DNAH8: variants seen among roughly 807,000 people sequenced by gnomAD.
The protein encoded by DNAH8 is axonemal beta dynein heavy chain 8.
In DNAH8, 382 loss-of-function variants were observed where a neutral mutation model predicts 562.1. The ratio of observed to expected loss-of-function variants is 0.68; its 90% CI spans 0.63 to 0.74. The LOEUF (loss-of-function observed/expected upper bound fraction) is 0.74, where lower values mean the gene tolerates loss of function less well. Ranked by LOEUF, DNAH8 falls within the 30% of genes least tolerant of loss-of-function variation. The pLI is 0.00. For missense variants in DNAH8, 5,203 were observed against 5,620.4 expected (o/e 0.93, Z 2.37); for synonymous variants, 1,881 against 1,919.4 (o/e 0.98, Z 0.52).
intron 74 of DNAH8, among the ~76,000 whole-genome samples, chr6:38,927,208 A>G (rs968460807): frequency 3.9e-5 from 6 of 152,248 alleles, no homozygotes; most frequent in African/African-American, 7.2e-5. Flanking sequence ...GTAAAATTCA[A>G]TGCTCATTCA....
chr6:39,018,085 C>T (rs539751943), intron 91 of DNAH8, among the ~76,000 whole-genome samples: 2 of 152,328 alleles, frequency 1.3e-5, no homozygotes, highest in East Asian at 1.9e-4. Context: ...TAAACTTCAA[C>T]GTGAGTGATA....
At chr6:38,950,310 A>T (rs1006680624) in intron 81 of DNAH8, among the ~76,000 whole-genome samples, 1 of 151,538 alleles carries the variant, frequency 6.6e-6, no homozygotes, top group African/African-American at 2.4e-5. Flanking sequence ...TTTTGAAGCA[A>T]TTTTTTCTTT....
In DNAH8 at chr6:38,737,969, A is replaced by G. The variant is rs1397661197; in HGVS notation, c.1113A>G (p.Glu371=). Residue 371 remains glutamate, a synonymous_variant, in exon 7 of 93, where the codon GAA becomes GAG. Transcript: ENST00000327475. The part of the protein sequence containing the change: ...EVLMVWYKQI[E]QVLIESEQMR... ...TGATGGTATGGTACAAACAGATCGAACAGGTGAATTGACTCAAACAATTGC... is the reference window on the plus strand; with the variant it reads ...TGATGGTATGGTACAAACAGATCGAGCAGGTGAATTGACTCAAACAATTGC... 1.2e-6 allele frequency: 2 copies of G among 1,610,186 alleles called. No homozygotes were observed. The highest frequency in any genetic ancestry group is 1.7e-6 in the Non-Finnish European group (2 of 1,178,212).
chr6:38,909,826 A>G (rs1780751171), intron 65 of DNAH8, 82 bp downstream of exon 65: 10 of 1,149,704 alleles, frequency 8.7e-6, no homozygotes, highest in Non-Finnish European at 1.3e-5. Flanking sequence ...ATCCAGCAGA[A>G]GACTCTTTCT....
At chr6:38,819,072 C>T (rs1772579082) in intron 26 of DNAH8, among the ~76,000 whole-genome samples, 1 of 152,150 alleles carries the variant, frequency 6.6e-6, no homozygotes, top group Non-Finnish European at 1.5e-5. Flanking sequence ...TGATCCTGCC[C>T]CATAGCTTCC....
chr6:38,853,623 G>A (rs895483382), intron 41 of DNAH8, among the ~76,000 whole-genome samples: 4 of 150,620 alleles, frequency 2.7e-5, no homozygotes, highest in East Asian at 1.9e-4. Context: ...ATATGTAAGC[G>A]TGTGTGTGTG....
chr6:38,935,451 C>A, intron 76 of DNAH8, 141 bp from the exon 77 acceptor site: 1 of 616,304 alleles, frequency 1.6e-6, no homozygotes, highest in Non-Finnish European at 2.8e-6. Flanking sequence ...ATAGATTTGG[C>A]TAATGATAGT....
intron 82 of DNAH8, among the ~76,000 whole-genome samples, chr6:38,955,586 GTGCCAT>G (rs2150647896): frequency 6.6e-6 from 1 of 152,196 alleles, no homozygotes; most frequent in Admixed American, 6.5e-5. Context: ...AGCCGAGATT[GTGCCAT>G]TGCACTCCAG....
intron 88 of DNAH8, among the ~76,000 whole-genome samples, chr6:38,996,397 CA>C (rs1325560856): frequency 1.3e-5 from 2 of 152,200 alleles, no homozygotes; most frequent in African/African-American, 2.4e-5. Flanking sequence ...CTGTGCTCCA[CA>C]GTCATTTATA....
intron 81 of DNAH8, 89 bp downstream of exon 81, chr6:38,949,659 C>T (rs1761723503): frequency 3.8e-6 from 3 of 784,968 alleles, no homozygotes; most frequent in Non-Finnish European, 6.3e-6. Context: ...TTCACTATAT[C>T]ACTGTCATTG....
At chr6:39,030,037 T>C in intron 92 of DNAH8, 68 bp from the exon 93 acceptor site, 1 of 1,326,498 alleles carries the variant, frequency 7.5e-7, no homozygotes. Flanking sequence ...ACTGACAGCC[T>C]TTATGACTAA....
At chr6:38,893,604 T>G (rs965207295) in intron 58 of DNAH8, among the ~76,000 whole-genome samples, 1 of 152,168 alleles carries the variant, frequency 6.6e-6, no homozygotes, top group Non-Finnish European at 1.5e-5. Flanking sequence ...AGGATGAACA[T>G]TTTAGTTTGC....
At chr6:38,980,451 T>G (rs928931024) in intron 85 of DNAH8, among the ~76,000 whole-genome samples, 12 of 152,218 alleles carry the variant, frequency 7.9e-5, no homozygotes, top group Non-Finnish European at 1.3e-4. Context: ...CCTTCCAGGC[T>G]ATGGCCTCTG....
Position 38,786,891 on chromosome 6 carries a change from A to C in DNAH8, c.2522A>C (p.Glu841Ala), listed in dbSNP as rs1402257419. 3 of 1,613,466 alleles carry C rather than the reference A, an allele frequency of 1.9e-6. No homozygotes were observed. Among genetic ancestry groups the C allele is most frequent in the Non-Finnish European group, 2.5e-6 (3 of 1,179,720 alleles). Residue 841 changes from glutamate to alanine, a missense_variant, in exon 18 of 93, where the codon GAA becomes GCA. By Grantham distance (107) the Glu-to-Ala change is moderately radical. Coordinates refer to ENST00000327475, the MANE Select transcript of DNAH8 (RefSeq NM_001206927.2). The stretch of plus-strand genomic sequence containing the variant: ...ATAAAAATGAAGTTGGATGTACCAG[A>C]ACAGGCAAAGAGATTGCTAAAATTG... ...CMIKMKLDVPEQAKRLLKLES... is the reference protein window; with the variant it reads ...CMIKMKLDVPAQAKRLLKLES...
rs147361346 is a variant in DNAH8, at chr6:38,892,155, A to G, written c.8583+1394A>G. ...TTCTTTCCCTCCTCTAAACACTGAA[A>G]TGCACCTGGTCTCGATGCCAGGCCC... On this transcript the variant is annotated intron_variant, in intron 58 of 92. Coordinates refer to ENST00000327475, the MANE Select transcript of DNAH8 (RefSeq NM_001206927.2). 1.8e-3 allele frequency among the ~76,000 whole-genome samples: 275 copies of G among 152,122 alleles called. 1 individual carries two copies. Among genetic ancestry groups the G allele is most frequent in the African/African-American group, 6.4e-3 (265 of 41,502 alleles).
chr6:38,945,316 A>G, intron 79 of DNAH8, 151 bp from the exon 80 acceptor site: 2 of 814,846 alleles, frequency 2.5e-6, no homozygotes, highest in Non-Finnish European at 3.8e-6. Context: ...AAATGTACCA[A>G]AAAACCCTCA....
chr6:38,715,960 A>ATTTTTTTTTTT (rs869120118), intron 1 of DNAH8, among the ~76,000 whole-genome samples: 5 of 23,624 alleles, frequency 2.1e-4, no homozygotes, highest in African/African-American at 1.1e-3. Context: ...ATATATATAT[A>ATTTTTTTTTTT]TTTTTTTTTT....
chr6:38,934,048 A>T (rs1459445436), intron 76 of DNAH8, among the ~76,000 whole-genome samples: 1 of 152,206 alleles, frequency 6.6e-6, no homozygotes, highest in Non-Finnish European at 1.5e-5. Context: ...CTACTGATAG[A>T]TTGTGATACA....
chr6:38,804,848 C>G (rs1280947959), intron 22 of DNAH8, among the ~76,000 whole-genome samples: 4 of 141,178 alleles, frequency 2.8e-5, no homozygotes, highest in African/African-American at 1.1e-4. Context: ...GATTTTGCCC[C>G]CAAGGGAATA....
Sources: gnomAD v4.1 joint callset for allele counts (sites outside exome capture counted in the v4.1 genomes callset) on GRCh38, gnomAD v4.1.1 for gene constraint, MANE v1.5 for transcripts, NCBI Gene and HGNC (gene_info 2026-07-23, HGNC 2026-07-21) for gene names.